Variants in MBD3 observed in about 807,000 individuals in gnomAD.
MBD3 encodes methyl-CpG-binding domain protein 3.
MBD3 carries 13 observed loss-of-function variants against 31.2 expected under a neutral mutation model. That is an observed-to-expected ratio of 0.42 (90% CI 0.27 to 0.66). The LOEUF is 0.66. Ranked by LOEUF, MBD3 falls within the 30% of genes least tolerant of loss-of-function variation. The pLI, the probability that MBD3 is intolerant of heterozygous loss-of-function variation, is 0.26. For synonymous variants in MBD3, 223 were observed against 187.4 expected (o/e 1.19, Z -1.55); for missense variants, 440 against 426.5 (o/e 1.03, Z -0.28).
Position 1,584,585 on chromosome 19 carries a change from G to A in MBD3, c.363C>T (p.Asn121=), listed in dbSNP as rs766617223. The change falls in exon 3 of 7, where the codon AAC becomes AAT. Residue 121 remains asparagine, a synonymous_variant. Transcript: ENST00000434436. ...CCTTCTGCGGGTCGCTCTTGACCTT[G>A]TTGCTGGGGTGGTTGGTAATCTTGG... ...PVTKITNHPS[N]KVKSDPQKAV... is the part of the protein sequence containing the mutation. 1.9e-6 allele frequency: 3 copies of A among 1,613,852 alleles called. No individual in the cohort carries two copies. Among genetic ancestry groups the A allele is most frequent in the Non-Finnish European group, 2.5e-6 (3 of 1,179,968 alleles).
At chr19:1,582,062 T>C (rs950240775) in intron 4 of MBD3, among the ~76,000 whole-genome samples, 5 of 152,148 alleles carry the variant, frequency 3.3e-5, no homozygotes, top group Admixed American at 1.3e-4. Flanking sequence ...CCACTGCACC[T>C]GGCCTTGCTC....
At position 1,574,549 on chromosome 19, in the gene MBD3, A is replaced by G. The variant is rs1441607436; in HGVS notation, c.*3615T>C. The G allele has an allele frequency of 1.3e-5, 2 of 152,604 alleles. No individual in the cohort carries two copies. Among genetic ancestry groups the G allele is most frequent in the Admixed American group, 6.5e-5 (1 of 15,276 alleles). The allele number at this position is 152,604 out of a possible 1,614,324, so 9.5% of individuals were successfully genotyped here. A position where few individuals can be genotyped will look rare whatever the true frequency, so the allele number is the denominator to read the frequency against. On this transcript the variant is annotated 3_prime_UTR_variant, in exon 7 of 7. Transcript: ENST00000434436. ...AGAGCCTGGTTCCTGTTCATGGCCG[A>G]GTCCTGCTCCATGGTGTGGCCGGGC... is the stretch of plus-strand genomic sequence containing the variant.
At chr19:1,579,921 C>CTAAT (rs1352094742) in intron 5 of MBD3, among the ~76,000 whole-genome samples, 3 of 152,190 alleles carry the variant, frequency 2.0e-5, no homozygotes, top group Non-Finnish European at 4.4e-5. Flanking sequence ...AAACACCCAG[C>CTAAT]TAATTATTTT....
At chr19:1,589,116 G>A (rs1388720824) in intron 1 of MBD3, among the ~76,000 whole-genome samples, 2 of 152,122 alleles carry the variant, frequency 1.3e-5, no homozygotes, top group Non-Finnish European at 2.9e-5. Flanking sequence ...CCAATCACCT[G>A]AGATCAGGAG....
chr19:1,586,752 C>T (rs1029956932), intron 1 of MBD3, among the ~76,000 whole-genome samples: 1 of 151,708 alleles, frequency 6.6e-6, no homozygotes, highest in Non-Finnish European at 1.5e-5. Flanking sequence ...CTGCAACCTC[C>T]ACCTCCCAGG....
rs1163483499 is a variant in MBD3, at chr19:1,585,655, C to T, written c.111-441G>A. 4.7e-6 allele frequency: 1 copy of T among 213,500 alleles called. No individual in the cohort carries two copies. Among genetic ancestry groups the T allele is most frequent in the East Asian group, 1.3e-4 (1 of 7,976 alleles). 13.2% of individuals were successfully genotyped at this position (213,500 alleles called of 1,614,324 possible). A position where few individuals can be genotyped will look rare whatever the true frequency, so the allele number is the denominator to read the frequency against. The stretch of plus-strand genomic sequence containing the variant: ...ACCTACAGGGCTTTGGGCCCCGGCT[C>T]TGGGAGGATGGCTCACATGTCCAGA... On this transcript the variant is annotated intron_variant, in intron 1 of 6. Coordinates refer to ENST00000434436, the MANE Select transcript of MBD3 (RefSeq NM_001281453.2). The surrounding 1 kb of genome is among the most constrained non-coding windows in gnomAD (Gnocchi z 4.1).
chr19:1,584,961 G>T, intron 2 of MBD3, 94 bp downstream of exon 2: 1 of 1,536,708 alleles, frequency 6.5e-7, no homozygotes, highest in South Asian at 1.2e-5. Context: ...CTGCGCTCAG[G>T]ACGCCGGGCT....
At chr19:1,591,846 G>C (rs1599350957) in intron 1 of MBD3, 1 of 152,220 alleles carries the variant, frequency 6.6e-6, no homozygotes, top group Admixed American at 6.5e-5. Flanking sequence ...GGGGGTCTCT[G>C]AAAGCCTTCC....
In MBD3 at chr19:1,585,232, G is replaced by T; in HGVS notation, c.111-18C>A. 6.4e-7 allele frequency: 1 copy of T among 1,570,810 alleles called. No individual in the cohort carries two copies. Among genetic ancestry groups the T allele is most frequent in the Non-Finnish European group, 8.6e-7 (1 of 1,165,652 alleles). ...CGCTCGGGCTGCGGGGAGGCGGGACGGTCGGCGCCCCGGGCGGACCCCAGA... is the reference window on the plus strand; with the variant it reads ...CGCTCGGGCTGCGGGGAGGCGGGACTGTCGGCGCCCCGGGCGGACCCCAGA... On this transcript the variant is annotated intron_variant, in intron 1 of 6. Transcript: ENST00000434436. This position sits in a 1 kb window ranked among gnomAD's most constrained non-coding sequence, Gnocchi z 4.1.
chr19:1,585,294 G>T lies in MBD3; in HGVS notation c.111-80C>A. The T allele has an allele frequency of 6.8e-7, 1 of 1,476,774 alleles. No homozygotes were observed. Among genetic ancestry groups the T allele is most frequent in the Non-Finnish European group, 9.1e-7 (1 of 1,100,806 alleles). 91.5% of individuals were successfully genotyped at this position (1,476,774 alleles called of 1,614,324 possible). On this transcript the variant is annotated intron_variant, in intron 1 of 6. Coordinates refer to ENST00000434436, the MANE Select transcript of MBD3 (RefSeq NM_001281453.2). This position sits in a 1 kb window ranked among gnomAD's most constrained non-coding sequence, Gnocchi z 4.1. ...GGCCTCGGCCGCAGACCCAAACCCA[G>T]TCCCAGCCCCAGCTTCAGGTCGCGA... is the stretch of plus-strand genomic sequence containing the variant.
chr19:1,584,930 C>CCCTCCGCCCGCTGTGA, intron 2 of MBD3, 125 bp downstream of exon 2: 1 of 1,364,076 alleles, frequency 7.3e-7, no homozygotes, highest in Non-Finnish European at 1.0e-6. Context: ...CCGCTCTGTG[C>CCCTCCGCCCGCTGTGA]CCTCCGCCCG....
chr19:1,575,757 T>C lies in MBD3; in HGVS notation c.*2407A>G, dbSNP rs2145585901. 1 of 153,260 alleles carries C rather than the reference T, an allele frequency of 6.5e-6. No individual in the cohort carries two copies. Among genetic ancestry groups the C allele is most frequent in the East Asian group, 1.9e-4 (1 of 5,188 alleles). 9.5% of individuals were successfully genotyped at this position (153,260 alleles called of 1,614,324 possible). On this transcript the variant is annotated 3_prime_UTR_variant, in exon 7 of 7. Transcript: ENST00000434436. ...GCACGACCTCTAGCAAAGGCCAGTA[T>C]TGCCTTGGCCTGTGGGGGTCCCCAA... is the stretch of plus-strand genomic sequence containing the variant.
At position 1,581,283 on chromosome 19, in the gene MBD3, G is replaced by A. The variant is rs1436410400; in HGVS notation, c.500-14C>T. ...CAGGTCCCACCCCTGCCAGGCAGTGGACAAACAGCCGCAAGTGGAGAGGTC... is the reference window on the plus strand; with the variant it reads ...CAGGTCCCACCCCTGCCAGGCAGTGAACAAACAGCCGCAAGTGGAGAGGTC... On this transcript the variant is annotated splice_polypyrimidine_tract_variant and intron_variant, in intron 4 of 6. Coordinates refer to ENST00000434436, the MANE Select transcript of MBD3 (RefSeq NM_001281453.2). 1 of 1,603,050 alleles carries A rather than the reference G, an allele frequency of 6.2e-7. No homozygotes were observed. Among genetic ancestry groups the A allele is most frequent in the Non-Finnish European group, 8.5e-7 (1 of 1,179,544 alleles).
At chr19:1,584,913 G>GCGCCTTCCGCTCTGTGCCCTC in intron 2 of MBD3, 142 bp downstream of exon 2, 1 of 1,266,252 alleles carries the variant, frequency 7.9e-7, no homozygotes, top group Non-Finnish European at 1.1e-6. Context: ...CCTGTGGCCT[G>GCGCCTTCCGCTCTGTGCCCTC]CGCCTTCCGC....
rs138971892 is a variant in MBD3, at chr19:1,586,743, T to C, written c.111-1529A>G. On this transcript the variant is annotated intron_variant, in intron 1 of 6. Coordinates refer to ENST00000434436, the MANE Select transcript of MBD3 (RefSeq NM_001281453.2). ...GTGAAGTGGCTCGATCTTGGCTCTC[T>C]GCAACCTCCACCTCCCAGGTTCAAG... Among the ~76,000 whole-genome samples the C allele has an allele frequency of 3.2e-3, 490 of 151,722 alleles. 4 individuals are homozygous for C. The highest frequency in any genetic ancestry group is 0.011 in the African/African-American group (440 of 41,302).
chr19:1,574,918 A>G lies in MBD3; in HGVS notation c.*3246T>C, dbSNP rs1915368950. ...CTGGGGGCTGCAGGGACAGCAAGGC[A>G]CGGGCCCTGGGTGTGGCAGGAGAGG... On this transcript the variant is annotated 3_prime_UTR_variant, in exon 7 of 7. Transcript: ENST00000434436. 3.3e-6 allele frequency: 1 copy of G among 299,626 alleles called. No individual in the cohort carries two copies. The highest frequency in any genetic ancestry group is 4.6e-5 in the Admixed American group (1 of 21,710). The allele number at this position is 299,626 out of a possible 1,614,324, so 18.6% of individuals were successfully genotyped here.
Position 1,577,938 on chromosome 19 carries a change from CTG to C in MBD3, c.*224_*225del, listed in dbSNP as rs1917244780. 2 of 312,808 alleles carry C rather than the reference CTG, an allele frequency of 6.4e-6. No individual in the cohort carries two copies. Among genetic ancestry groups the C allele is most frequent in the African/African-American group, 4.3e-5 (2 of 46,550 alleles). 19.4% of individuals were successfully genotyped at this position (312,808 alleles called of 1,614,324 possible). ...ACCCGGCACTTCCCGAAGCCGGACT[CTG>C]TAGAGGACGAGCGTGGAGGGTCTTT... On this transcript the variant is annotated 3_prime_UTR_variant, in exon 7 of 7. Coordinates refer to ENST00000434436, the MANE Select transcript of MBD3 (RefSeq NM_001281453.2).
intron 1 of MBD3, among the ~76,000 whole-genome samples, chr19:1,586,671 A>AATTT (rs1555700228): frequency 7.0e-6 from 1 of 143,796 alleles, no homozygotes; most frequent in African/African-American, 2.6e-5. Context: ...ACCACGCCTA[A>AATTT]TTTTTTTTTT....
intron 3 of MBD3, 38 bp downstream of exon 3, chr19:1,584,502 C>G (rs1249988723): frequency 6.2e-7 from 1 of 1,609,400 alleles, no homozygotes; most frequent in South Asian, 1.1e-5. Flanking sequence ...GTGAACAACC[C>G]GGCCGGGAAG....
Sources: gnomAD v4.1 joint callset for allele counts (sites outside exome capture counted in the v4.1 genomes callset) on GRCh38, gnomAD v4.1.1 for gene constraint, Gnocchi (gnomAD v3.1) non-coding constraint, MANE v1.5 for transcripts, NCBI Gene and HGNC (gene_info 2026-07-23, HGNC 2026-07-21) for gene names.